Variants in ZDHHC21 observed in about 807,000 individuals in gnomAD.
ZDHHC21 encodes the protein palmitoyltransferase ZDHHC21.
Under a neutral mutation model 34.6 loss-of-function variants are expected in ZDHHC21, and 15 were observed. The ratio of observed to expected loss-of-function variants is 0.43; its 90% CI spans 0.29 to 0.67. ZDHHC21 has a LOEUF of 0.67. ZDHHC21 is among the 30% of genes least tolerant of loss of function. The pLI is 0.14. For synonymous variants in ZDHHC21, 142 were observed against 101.8 expected (o/e 1.40, Z -2.38); for missense variants, 344 against 327.7 (o/e 1.05, Z -0.38).
intron 2 of ZDHHC21, among the ~76,000 whole-genome samples, chr9:14,682,381 G>T (rs1837544463): frequency 6.6e-6 from 1 of 151,994 alleles, no homozygotes; most frequent in Non-Finnish European, 1.5e-5. Context: ...AAAAGGCAGG[G>T]GTTGCAATCC....
chr9:14,605,371 T>C, the ZDHHC21 span, among the ~76,000 whole-genome samples: 1 of 152,146 alleles, frequency 6.6e-6, no homozygotes, highest in African/African-American at 2.4e-5. Flanking sequence ...ACACTATTTT[T>C]TTCAAATGGC....
At chr9:14,646,961 A>T (rs941593253) in intron 7 of ZDHHC21, among the ~76,000 whole-genome samples, 1 of 152,142 alleles carries the variant, frequency 6.6e-6, no homozygotes, top group Admixed American at 6.6e-5. Context: ...CAGCTCAACA[A>T]ATATTTATTA....
intron 8 of ZDHHC21, among the ~76,000 whole-genome samples, chr9:14,628,744 T>A (rs1005251597): frequency 1.4e-4 from 21 of 152,208 alleles, no homozygotes; most frequent in African/African-American, 4.8e-4. Context: ...TTTCTTGTAA[T>A]CTTAATTTTA....
intron 5 of ZDHHC21, among the ~76,000 whole-genome samples, chr9:14,669,421 C>T (rs527655062): frequency 2.5e-3 from 355 of 143,842 alleles, no homozygotes; most frequent in African/African-American, 8.2e-3. Flanking sequence ...TAAACTAGTT[C>T]AACCATTGTG....
the ZDHHC21 span, chr9:14,589,888 T>C: frequency 6.6e-6 from 1 of 152,110 alleles, no homozygotes; most frequent in African/African-American, 2.4e-5. Context: ...AAATGCTAAA[T>C]TAAAACAATC....
chr9:14,666,398 TG>T (rs1834447074), intron 5 of ZDHHC21, among the ~76,000 whole-genome samples: 1 of 117,852 alleles, frequency 8.5e-6, no homozygotes, highest in African/African-American at 2.9e-5. Context: ...ACATTAATAA[TG>T]GGAGACTTTA....
intron 7 of ZDHHC21, among the ~76,000 whole-genome samples, chr9:14,651,441 C>T (rs2133837155): frequency 6.6e-6 from 1 of 151,876 alleles, no homozygotes; most frequent in South Asian, 2.1e-4. Context: ...CCAAATCACA[C>T]CTCTGTCAAG....
At chr9:14,608,926 G>A (rs1823108146), downstream of ZDHHC21, among the ~76,000 whole-genome samples, 1 of 152,096 alleles carries the variant, frequency 6.6e-6, no homozygotes, top group South Asian at 2.1e-4. Flanking sequence ...CTAAGTAGGT[G>A]TGAATCTGTA....
Position 14,617,843 on chromosome 9 carries a change from C to T in ZDHHC21, c.*1123G>A, listed in dbSNP as rs1281214808. 6.6e-6 allele frequency: 1 copy of T among 151,828 alleles called. No individual in the cohort carries two copies. Among genetic ancestry groups the T allele is most frequent in the Non-Finnish European group, 1.5e-5 (1 of 67,878 alleles). The allele number at this position is 151,828 out of a possible 1,614,324, so 9.4% of individuals were successfully genotyped here. The stretch of plus-strand genomic sequence containing the variant: ...AAGGTCTCTCAATGCAAATTACAGC[C>T]AGCCAATTAAAATTTAATTTTAATT... On this transcript the variant is annotated 3_prime_UTR_variant, in exon 10 of 10. Transcript: ENST00000380916.
intron 5 of ZDHHC21, among the ~76,000 whole-genome samples, chr9:14,665,146 T>C (rs1487092732): frequency 7.3e-6 from 1 of 136,234 alleles, no homozygotes; most frequent in African/African-American, 2.8e-5. Flanking sequence ...TACAGAGAAA[T>C]GCTTAAAGGA....
chr9:14,601,665 T>A, the ZDHHC21 span, among the ~76,000 whole-genome samples: 1 of 152,224 alleles, frequency 6.6e-6, no homozygotes, highest in African/African-American at 2.4e-5. Context: ...CAAAGGATTA[T>A]AAATCATTCT....
downstream of ZDHHC21, among the ~76,000 whole-genome samples, chr9:14,609,956 A>T (rs1167851912): frequency 6.6e-6 from 1 of 152,096 alleles, no homozygotes; most frequent in Non-Finnish European, 1.5e-5. Context: ...TCTAATGCGA[A>T]GCAGTATGAG....
chr9:14,602,919 ACTT>A, the ZDHHC21 span, among the ~76,000 whole-genome samples: 3 of 114,686 alleles, frequency 2.6e-5, no homozygotes, highest in Non-Finnish European at 3.5e-5. Context: ...AGAGAGAGAG[ACTT>A]CATCTCAAAA....
intron 8 of ZDHHC21, among the ~76,000 whole-genome samples, chr9:14,638,813 A>G (rs553365155): frequency 3.9e-5 from 6 of 152,192 alleles, no homozygotes; most frequent in Non-Finnish European, 8.8e-5. Context: ...CCACAATAAC[A>G]TATCATCTTA....
intron 8 of ZDHHC21, among the ~76,000 whole-genome samples, chr9:14,629,600 A>C (rs1826953873): frequency 1.3e-5 from 2 of 152,170 alleles, no homozygotes; most frequent in Admixed American, 1.3e-4. Context: ...CAATGTACAT[A>C]CCTACCTTAA....
chr9:14,619,876 T>C (rs1002735058), intron 8 of ZDHHC21, among the ~76,000 whole-genome samples, 194 bp from the exon 9 acceptor site: 1 of 91,052 alleles, frequency 1.1e-5, no homozygotes, highest in Non-Finnish European at 2.1e-5. Flanking sequence ...ATCAACATTA[T>C]ACTATGCAAA....
the ZDHHC21 span, among the ~76,000 whole-genome samples, chr9:14,591,983 C>T: frequency 4.6e-5 from 7 of 151,884 alleles, no homozygotes; most frequent in Non-Finnish European, 1.0e-4. Flanking sequence ...TTGGATCTTG[C>T]TTTTTATACA....
intron 8 of ZDHHC21, among the ~76,000 whole-genome samples, chr9:14,627,521 C>T (rs1457310165): frequency 6.6e-6 from 1 of 152,022 alleles, no homozygotes; most frequent in Non-Finnish European, 1.5e-5. Flanking sequence ...TACAAAATTG[C>T]AACTAAATAC....
intron 7 of ZDHHC21, among the ~76,000 whole-genome samples, chr9:14,652,969 A>G (rs1831493418): frequency 6.6e-6 from 1 of 152,004 alleles, no homozygotes; most frequent in African/African-American, 2.4e-5. Flanking sequence ...GAAAGGGTAG[A>G]AAGAAAATGC....
Sources: gnomAD v4.1 joint callset for allele counts (sites outside exome capture counted in the v4.1 genomes callset) on GRCh38, gnomAD v4.1.1 for gene constraint, MANE v1.5 for transcripts, NCBI Gene and HGNC (gene_info 2026-07-23, HGNC 2026-07-21) for gene names.